ACOX2: variants seen among roughly 807,000 people sequenced by gnomAD.
ACOX2 encodes the protein peroxisomal acyl-coenzyme A oxidase 2.
ACOX2 carries 59 observed loss-of-function variants against 77.5 expected under a neutral mutation model. The observed-to-expected ratio is 0.76, with a 90% CI of 0.62 to 0.95. The LOEUF is 0.95. Among genes scored for constraint, ACOX2 ranks in the 40% least tolerant of loss-of-function variants. The probability of loss-of-function intolerance (pLI) is 0.00; values close to 1 mark genes in which losing one functional copy is unlikely to be tolerated. For synonymous variants in ACOX2, 317 were observed against 340.1 expected (o/e 0.93, Z 0.75); for missense variants, 837 against 880.4 (o/e 0.95, Z 0.62).
chr3:58,534,950 C>G lies in ACOX2; in HGVS notation c.157G>C (p.Val53Leu), dbSNP rs1032916049. 3 of 1,614,168 alleles carry G rather than the reference C, an allele frequency of 1.9e-6. No homozygotes were observed. Among genetic ancestry groups the G allele is most frequent in the Non-Finnish European group, 2.5e-6 (3 of 1,179,986 alleles). ...CCATTCCCCAGCTTCCCCTTACCAA[C>G]TTTCCTGCGGAGTGCAGTGTTCTGG... Reference protein sequence around the residue: ...GAQNTALRRKVESIIHSYPEF... With the variant: ...GAQNTALRRKLESIIHSYPEF... Residue 53 changes from valine to leucine, a missense_variant, in exon 2 of 15, where the codon GTT (valine) becomes CTT (leucine). Transcript: ENST00000302819. This position sits in a 1 kb window ranked among gnomAD's most constrained non-coding sequence, Gnocchi z 4.8.
At position 58,526,228 on chromosome 3, in the gene ACOX2, A is replaced by G. The variant is rs1271059713; in HGVS notation, c.1346+238T>C. ...AACAGATCCCTCCGGCTGCCTGTGG[A>G]GAAGCAGGACAGGATAGAAGCAAGA... On this transcript the variant is annotated intron_variant, in intron 10 of 14. Transcript: ENST00000302819. The surrounding 1 kb of genome is among the most constrained non-coding windows in gnomAD (Gnocchi z 4.3). 6.6e-6 allele frequency among the ~76,000 whole-genome samples: 1 copy of G among 152,214 alleles called. No individual in the cohort carries two copies. Among genetic ancestry groups the G allele is most frequent in the Admixed American group, 6.5e-5 (1 of 15,288 alleles).
At chr3:58,509,082 A>G (rs971991292) in intron 13 of ACOX2, 57 bp from the exon 14 acceptor site, 82 of 1,571,422 alleles carry the variant, frequency 5.2e-5, no homozygotes, top group Non-Finnish European at 6.8e-5. Context: ...GAATCAAACT[A>G]GTCTTGGATG....
intron 14 of ACOX2, among the ~76,000 whole-genome samples, chr3:58,507,114 C>G (rs1422058845): frequency 2.0e-5 from 3 of 152,200 alleles, no homozygotes; most frequent in African/African-American, 7.2e-5. Flanking sequence ...CAATGCTATA[C>G]CTGTCACCTT....
rs1243799806 is a variant in ACOX2, at chr3:58,521,290, G to A, written c.1632+1206C>T. Among the ~76,000 whole-genome samples, 4 of 152,180 alleles carry A rather than the reference G, an allele frequency of 2.6e-5. No individual in the cohort carries two copies. The highest frequency in any genetic ancestry group is 4.4e-5 in the Non-Finnish European group (3 of 68,024). On this transcript the variant is annotated intron_variant, in intron 12 of 14. Coordinates refer to ENST00000302819, the MANE Select transcript of ACOX2 (RefSeq NM_003500.4). The surrounding 1 kb of genome is among the most constrained non-coding windows in gnomAD (Gnocchi z 4.8). ...GCCTGCCTGACCAGCCCTGTCCCAC[G>A]AGGGCCTCTGCAGCCCTTCAGGGCT...
chr3:58,510,496 G>T (rs1449783205), intron 13 of ACOX2, among the ~76,000 whole-genome samples: 2 of 150,448 alleles, frequency 1.3e-5, no homozygotes, highest in Non-Finnish European at 3.0e-5. Flanking sequence ...AGCCAGGTGT[G>T]GTGGTGTGTG....
chr3:58,506,679 G>C (rs9790147), intron 14 of ACOX2, among the ~76,000 whole-genome samples: 137,906 of 152,176 alleles, frequency 0.91, 62,616 homozygotes, highest in East Asian at 1. Context: ...TGCCTGTAAT[G>C]CCAGCTACTT....
Position 58,512,117 on chromosome 3 carries a change from A to G in ACOX2, c.1851-3092T>C, listed in dbSNP as rs1294202521. The stretch of plus-strand genomic sequence containing the variant: ...CTGATAGGCTCTTCAAAAGTAATGT[A>G]TCTGAACCCAAACTCCTTCCCGTCC... On this transcript the variant is annotated intron_variant, in intron 13 of 14. Coordinates refer to ENST00000302819, the MANE Select transcript of ACOX2 (RefSeq NM_003500.4). The surrounding 1 kb of genome is among the most constrained non-coding windows in gnomAD (Gnocchi z 4.8). Among the ~76,000 whole-genome samples, 2 of 152,224 alleles carry G rather than the reference A, an allele frequency of 1.3e-5. No homozygotes were observed. Among genetic ancestry groups the G allele is most frequent in the Non-Finnish European group, 2.9e-5 (2 of 68,024 alleles).
chr3:58,520,836 T>A (rs113882235), intron 12 of ACOX2, among the ~76,000 whole-genome samples: 1,586 of 152,304 alleles, frequency 0.01, 32 homozygotes, highest in African/African-American at 0.036. Context: ...CCAGAATTTG[T>A]TGCTCACCTC....
At chr3:58,536,072 A>G (rs2108014836) in intron 1 of ACOX2, among the ~76,000 whole-genome samples, 1 of 152,038 alleles carries the variant, frequency 6.6e-6, no homozygotes, top group South Asian at 2.1e-4. Flanking sequence ...TGTTTGTGGA[A>G]TGGAGTCCTT....
At position 58,533,973 on chromosome 3, in the gene ACOX2, C is replaced by G. The variant is rs376391704; in HGVS notation, c.475+21G>C. 1 of 1,613,628 alleles carries G rather than the reference C, an allele frequency of 6.2e-7. No individual in the cohort carries two copies. Among genetic ancestry groups the G allele is most frequent in the Non-Finnish European group, 8.5e-7 (1 of 1,179,716 alleles). On this transcript the variant is annotated intron_variant, in intron 4 of 14. Transcript: ENST00000302819. This position sits in a 1 kb window ranked among gnomAD's most constrained non-coding sequence, Gnocchi z 5.6. ...TTTGCAGTGCACAACCTAAACACCACACGCAGCAGTCCTAGCTCACCATGT... is the reference window on the plus strand; with the variant it reads ...TTTGCAGTGCACAACCTAAACACCAGACGCAGCAGTCCTAGCTCACCATGT...
chr3:58,524,648 G>T lies in ACOX2; in HGVS notation c.1347-43C>A. On this transcript the variant is annotated intron_variant, in intron 10 of 14. Coordinates refer to ENST00000302819, the MANE Select transcript of ACOX2 (RefSeq NM_003500.4). This position sits in a 1 kb window ranked among gnomAD's most constrained non-coding sequence, Gnocchi z 5.5. ...AGGCAGGTGAGAGGGCAGAGACTCT[G>T]TGAGACAGCCCAGCACCCCTCACTC... The T allele has an allele frequency of 6.3e-7, 1 of 1,589,286 alleles. No individual in the cohort carries two copies.
intron 13 of ACOX2, among the ~76,000 whole-genome samples, chr3:58,513,620 C>T (rs896480045): frequency 1.3e-5 from 2 of 151,242 alleles, no homozygotes; most frequent in Non-Finnish European, 2.9e-5. Flanking sequence ...TCTCTTAACT[C>T]TGAGATATCA....
At chr3:58,516,697 G>T (rs187389277) in intron 13 of ACOX2, among the ~76,000 whole-genome samples, 6 of 152,228 alleles carry the variant, frequency 3.9e-5, no homozygotes, top group African/African-American at 1.4e-4. Context: ...AATTAGCTGG[G>T]CATGGGGGTG....
intron 14 of ACOX2, among the ~76,000 whole-genome samples, chr3:58,506,725 A>G (rs2063236538): frequency 6.6e-6 from 1 of 152,154 alleles, no homozygotes; most frequent in Admixed American, 6.5e-5. Context: ...TGGGAGGCAG[A>G]GGGTTGCAGT....
rs1366679258 is a variant in ACOX2 at position 58,534,793 on chromosome 3, A to C, written c.160+154T>G. 7.1e-7 allele frequency: 1 copy of C among 1,399,722 alleles called. No homozygotes were observed. Among genetic ancestry groups the C allele is most frequent in the Non-Finnish European group, 9.9e-7 (1 of 1,006,298 alleles). The allele number at this position is 1,399,722 out of a possible 1,614,324, so 86.7% of individuals were successfully genotyped here. ...GGGCTCAGGCAATATTGACATGTGA[A>C]GATTGTCTTTACAGTTCGAAGGAAT... On this transcript the variant is annotated intron_variant, in intron 2 of 14. Transcript: ENST00000302819. This position sits in a 1 kb window ranked among gnomAD's most constrained non-coding sequence, Gnocchi z 4.8.
chr3:58,533,639 G>T lies in ACOX2; in HGVS notation c.476-87C>A. 1 of 1,244,958 alleles carries T rather than the reference G, an allele frequency of 8.0e-7. No homozygotes were observed. The highest frequency in any genetic ancestry group is 1.2e-6 in the Non-Finnish European group (1 of 854,242). The allele number at this position is 1,244,958 out of a possible 1,614,324, so 77.1% of individuals were successfully genotyped here. A position where few individuals can be genotyped will look rare whatever the true frequency, so the allele number is the denominator to read the frequency against. Reference sequence around the variant, plus strand: ...CTTCTAGGTGGGTCTGAACTCTTAGGCATCAGCGCAGTATGGAGTGGGGCC... The same window carrying T: ...CTTCTAGGTGGGTCTGAACTCTTAGTCATCAGCGCAGTATGGAGTGGGGCC... On this transcript the variant is annotated intron_variant, in intron 4 of 14. Transcript: ENST00000302819. This position sits in a 1 kb window ranked among gnomAD's most constrained non-coding sequence, Gnocchi z 5.6.
intron 13 of ACOX2, chr3:58,511,507 G>C (rs922369364): frequency 5.0e-6 from 1 of 199,222 alleles, no homozygotes; most frequent in East Asian, 1.6e-4. Flanking sequence ...AAGAGGTCAA[G>C]GATCAAGTCT....
chr3:58,531,272 G>T lies in ACOX2; in HGVS notation c.798C>A (p.Asn266Lys), dbSNP rs761757965. Reference sequence around the variant, plus strand: ...TAACCTGTGCAAAGCGACTCAGCATGTTCTCCCTGGGGACCCGCACATGGT... The same window carrying T: ...TAACCTGTGCAAAGCGACTCAGCATTTTCTCCCTGGGGACCCGCACATGGT... The part of the protein sequence containing the change: ...QLNHVRVPRE[N>K]MLSRFAQVLP... The change falls in exon 7 of 15, where the codon AAC (asparagine) becomes AAA (lysine). Residue 266 changes from asparagine to lysine, a missense_variant. Physicochemically the swap from Asn to Lys is moderately conservative, Grantham distance 94. Transcript: ENST00000302819. The surrounding 1 kb of genome is among the most constrained non-coding windows in gnomAD (Gnocchi z 5.8). 19 of 1,612,924 alleles carry T rather than the reference G, an allele frequency of 1.2e-5. No homozygotes were observed. Among genetic ancestry groups the T allele is most frequent in the Admixed American group, 1.7e-5 (1 of 59,998 alleles).
chr3:58,529,103 T>A, intron 8 of ACOX2, 147 bp from the exon 9 acceptor site: 1 of 743,394 alleles, frequency 1.3e-6, no homozygotes, highest in Non-Finnish European at 2.0e-6. Context: ...GATAATCCTT[T>A]AAAAATCCCA....
Sources: allele counts gnomAD v4.1 joint callset (sites outside exome capture counted in the v4.1 genomes callset), GRCh38; gene constraint gnomAD v4.1.1; non-coding constraint Gnocchi (gnomAD v3.1); transcripts MANE v1.5; gene names NCBI Gene and HGNC (gene_info 2026-07-23, HGNC 2026-07-21).